APPBP2: variants seen among roughly 807,000 people sequenced by gnomAD.
APPBP2 encodes the protein amyloid beta precursor protein binding protein 2, also known as amyloid protein-binding protein 2.
Under a neutral mutation model 76.0 loss-of-function variants are expected in APPBP2, and 15 were observed. The ratio of observed to expected loss-of-function variants is 0.20; its 90% CI spans 0.13 to 0.30. The LOEUF (loss-of-function observed/expected upper bound fraction) is 0.30, where lower values mean the gene tolerates loss of function less well. Among genes scored for constraint, APPBP2 ranks in the 10% least tolerant of loss-of-function variants. The pLI is 1.00. For synonymous variants in APPBP2, 222 were observed against 242.2 expected, an observed-to-expected ratio of 0.92 and a Z score of 0.77; for missense variants, 401 against 687.2, an observed-to-expected ratio of 0.58 and a Z score of 4.66.
intron 2 of APPBP2, among the ~76,000 whole-genome samples, chr17:60,496,054 T>C (rs570124410): frequency 2.0e-5 from 3 of 152,320 alleles, no homozygotes; most frequent in East Asian, 1.9e-4. Flanking sequence ...AATCAACTTA[T>C]ATAAAATATC....
chr17:60,449,360 G>C (rs935791116), intron 12 of APPBP2, among the ~76,000 whole-genome samples: 2 of 152,220 alleles, frequency 1.3e-5, no homozygotes, highest in African/African-American at 4.8e-5. Flanking sequence ...GGGAGGCCCA[G>C]GCGGGCAGGC....
Position 60,450,220 on chromosome 17 carries a change from C to T in APPBP2, c.1504+1660G>A, listed in dbSNP as rs75318694. On this transcript the variant is annotated intron_variant, in intron 12 of 12. Transcript: ENST00000083182. ...CTGGGAGGCCAAGGCAGGCAGATCA[C>T]GAGGTTAAGAGATTGAGATCATCCT... Among the ~76,000 whole-genome samples the T allele has an allele frequency of 7.2e-5, 11 of 151,814 alleles. 1 individual carries two copies. The highest frequency in any genetic ancestry group is 4.2e-4 in the South Asian group (2 of 4,804).
chr17:60,449,672 A>C (rs981095751), intron 12 of APPBP2, among the ~76,000 whole-genome samples: 2 of 151,168 alleles, frequency 1.3e-5, no homozygotes, highest in African/African-American at 4.9e-5. Context: ...TGGGGAAAAA[A>C]ATTGATCCCT....
intron 2 of APPBP2, chr17:60,496,401 T>A (rs1460691795): frequency 6.6e-6 from 1 of 152,170 alleles, no homozygotes; most frequent in Non-Finnish European, 1.5e-5. Flanking sequence ...CACAAATACA[T>A]AAAACACTTA....
rs201004965 is a variant in APPBP2, at chr17:60,502,850, C to CA, written c.139-2364dup. Among the ~76,000 whole-genome samples the CA allele has an allele frequency of 6.6e-4, 95 of 143,654 alleles. 18 individuals are homozygous for CA. The highest frequency in any genetic ancestry group is 2.2e-3 in the African/African-American group (77 of 34,722). The allele number at this position is 143,654 out of a possible 152,430, so 94.2% of individuals were successfully genotyped here. A position where few individuals can be genotyped will look rare whatever the true frequency, so the allele number is the denominator to read the frequency against. The stretch of plus-strand genomic sequence containing the variant: ...TGGGTGATGGAGCAAAACTCTGTCT[C>CA]AAAAAAAACAAAAAAAGAATAAACA... On this transcript the variant is annotated intron_variant, in intron 1 of 12. Transcript: ENST00000083182.
At chr17:60,482,884 TAAAC>T (rs2090641674) in intron 3 of APPBP2, among the ~76,000 whole-genome samples, 1 of 152,232 alleles carries the variant, frequency 6.6e-6, no homozygotes, top group East Asian at 1.9e-4. Context: ...AGTGCCGTAA[TAAAC>T]ATACATGTGC....
chr17:60,521,015 C>T (rs1041629116), intron 1 of APPBP2, among the ~76,000 whole-genome samples: 1 of 152,188 alleles, frequency 6.6e-6, no homozygotes, highest in African/African-American at 2.4e-5. Context: ...CCTATAACCT[C>T]CAACTTCTGG....
intron 3 of APPBP2, among the ~76,000 whole-genome samples, chr17:60,489,024 C>A (rs1167651183): frequency 6.7e-6 from 1 of 149,330 alleles, no homozygotes; most frequent in Non-Finnish European, 1.5e-5. Context: ...AGTTTGAGAC[C>A]AGCCTGCCCA....
At chr17:60,510,215 C>A (rs751969609) in intron 1 of APPBP2, among the ~76,000 whole-genome samples, 8 of 151,748 alleles carry the variant, frequency 5.3e-5, no homozygotes, top group Non-Finnish European at 1.2e-4. Context: ...CCAGCCGGGG[C>A]AATGTAGCAA....
intron 1 of APPBP2, among the ~76,000 whole-genome samples, chr17:60,502,767 C>T (rs919806810): frequency 6.8e-6 from 1 of 146,000 alleles, no homozygotes; most frequent in African/African-American, 2.8e-5. Flanking sequence ...GGGAGAGAAT[C>T]GCTTGAACTC....
intron 3 of APPBP2, among the ~76,000 whole-genome samples, chr17:60,493,080 G>GT (rs1387708856): frequency 6.6e-6 from 1 of 152,102 alleles, no homozygotes; most frequent in African/African-American, 2.4e-5. Context: ...TTTATAAGGG[G>GT]TTTCCCCTAT....
Position 60,447,563 on chromosome 17 carries a change from G to A in APPBP2, c.*18C>T. On this transcript the variant is annotated 3_prime_UTR_variant, in exon 13 of 13. Coordinates refer to ENST00000083182, the MANE Select transcript of APPBP2 (RefSeq NM_006380.5). ...CCTGGAATCCGGGAAAAGGTAATTG[G>A]TTAACTGAGGTCCTCCCTCAGCAGC... The A allele has an allele frequency of 6.3e-7, 1 of 1,588,908 alleles. No individual in the cohort carries two copies. Among genetic ancestry groups the A allele is most frequent in the Non-Finnish European group, 8.6e-7 (1 of 1,167,436 alleles).
chr17:60,470,581 A>C (rs547505935), intron 4 of APPBP2, among the ~76,000 whole-genome samples: 61 of 149,906 alleles, frequency 4.1e-4, no homozygotes, highest in African/African-American at 1.4e-3. Context: ...TTTATTAATT[A>C]ATTAATTAAA....
chr17:60,502,621 A>AGG (rs1348616281), intron 1 of APPBP2, among the ~76,000 whole-genome samples: 1 of 146,598 alleles, frequency 6.8e-6, no homozygotes, highest in Non-Finnish European at 1.5e-5. Context: ...TGGGAGGCCA[A>AGG]GGGGGGGTGG....
rs190128675 is a variant in APPBP2 at position 60,508,025 on chromosome 17, T to A, written c.139-7538A>T. Reference sequence around the variant, plus strand: ...TCTCACTCTGCCACCCAGGCTGGAGTGCAGTGGTGAAATCCCAGCTCACTG... The same window carrying A: ...TCTCACTCTGCCACCCAGGCTGGAGAGCAGTGGTGAAATCCCAGCTCACTG... On this transcript the variant is annotated intron_variant, in intron 1 of 12. Coordinates refer to ENST00000083182, the MANE Select transcript of APPBP2 (RefSeq NM_006380.5). Among the ~76,000 whole-genome samples, 8 of 150,660 alleles carry A rather than the reference T, an allele frequency of 5.3e-5. No homozygotes were observed. In the East Asian group the frequency reaches 1.6e-3, roughly 29 times the overall value.
intron 1 of APPBP2, among the ~76,000 whole-genome samples, chr17:60,515,024 G>C (rs1044791028): frequency 8.0e-5 from 12 of 149,796 alleles, no homozygotes; most frequent in African/African-American, 2.5e-4. Flanking sequence ...GGCTGGTGTT[G>C]AATTCCTGAC....
At chr17:60,494,783 C>G (rs1181441443) in intron 2 of APPBP2, among the ~76,000 whole-genome samples, 166 bp from the exon 3 acceptor site, 2 of 152,028 alleles carry the variant, frequency 1.3e-5, no homozygotes, top group Admixed American at 1.3e-4. Context: ...AAAATTTAGC[C>G]TAATCTCTTC....
At chr17:60,492,036 A>G (rs1567933131) in intron 3 of APPBP2, among the ~76,000 whole-genome samples, 1 of 152,080 alleles carries the variant, frequency 6.6e-6, no homozygotes, top group Non-Finnish European at 1.5e-5. Context: ...CAGACTAGGG[A>G]CTTGGACCCC....
At chr17:60,487,420 CTT>C (rs1424757737) in intron 3 of APPBP2, among the ~76,000 whole-genome samples, 3 of 152,032 alleles carry the variant, frequency 2.0e-5, no homozygotes, top group Non-Finnish European at 4.4e-5. Flanking sequence ...CTAAACTTCT[CTT>C]CTCACTTCAT....
Sources: allele counts gnomAD v4.1 joint callset (sites outside exome capture counted in the v4.1 genomes callset), GRCh38; gene constraint gnomAD v4.1.1; transcripts MANE v1.5; gene names NCBI Gene and HGNC (gene_info 2026-07-23, HGNC 2026-07-21).